Variants in DOCK1 observed in about 807,000 individuals in gnomAD.
DOCK1 encodes dedicator of cytokinesis 1.
Under a neutral mutation model 262.7 loss-of-function variants are expected in DOCK1, and 138 were observed. The observed-to-expected ratio is 0.53, with a 90% CI of 0.46 to 0.61. The LOEUF (loss-of-function observed/expected upper bound fraction) is 0.61. Among genes scored for constraint, DOCK1 ranks in the 20% least tolerant of loss-of-function variants. The pLI, the probability that DOCK1 is intolerant of heterozygous loss-of-function variation, is 0.00. For missense variants in DOCK1, 1,908 were observed against 2,370.7 expected (o/e 0.80, Z 4.05); for synonymous variants, 866 against 867.4 (o/e 1.00, Z 0.03).
intron 1 of DOCK1, among the ~76,000 whole-genome samples, chr10:126,923,327 A>G (rs1180230850): frequency 6.6e-6 from 1 of 152,160 alleles, no homozygotes; most frequent in East Asian, 1.9e-4. Context: ...AAAAGGATGT[A>G]AAAAACTTAG....
Position 126,995,397 on chromosome 10 carries a change from G to A in DOCK1, c.474-1351G>A, listed in dbSNP as rs572757422. On this transcript the variant is annotated intron_variant, in intron 6 of 51. Transcript: ENST00000623213. This position sits in a 1 kb window ranked among gnomAD's most constrained non-coding sequence, Gnocchi z 5.8. ...ACTCTGTCTGCAATCCCAGCACCTCGGGAGGCTGAGGCTGGCAGATCACTC... is the reference window on the plus strand; with the variant it reads ...ACTCTGTCTGCAATCCCAGCACCTCAGGAGGCTGAGGCTGGCAGATCACTC... 1.1e-4 allele frequency among the ~76,000 whole-genome samples: 17 copies of A among 152,344 alleles called. No individual in the cohort carries two copies. The highest frequency in any genetic ancestry group is 7.3e-5 in the Non-Finnish European group (5 of 68,040).
intron 29 of DOCK1, among the ~76,000 whole-genome samples, chr10:127,268,920 G>A (rs1002705869): frequency 6.6e-6 from 1 of 152,066 alleles, no homozygotes; most frequent in Non-Finnish European, 1.5e-5. Context: ...AGGGTGCTTG[G>A]GCTGCCAGCC....
intron 13 of DOCK1, among the ~76,000 whole-genome samples, chr10:127,020,363 C>T (rs188673788): frequency 2.6e-3 from 401 of 152,148 alleles, no homozygotes; most frequent in African/African-American, 9.4e-3. Context: ...CCAGTTCATG[C>T]CAATAGTGTT....
At chr10:127,028,447 T>G (rs1440761216) in intron 16 of DOCK1, among the ~76,000 whole-genome samples, 1 of 152,200 alleles carries the variant, frequency 6.6e-6, no homozygotes, top group Admixed American at 6.5e-5. Context: ...CCATGTGGTA[T>G]CAGTATTATT....
intron 43 of DOCK1, among the ~76,000 whole-genome samples, chr10:127,413,225 C>T (rs181186634): frequency 1.3e-5 from 2 of 152,294 alleles, no homozygotes; most frequent in South Asian, 2.1e-4. Context: ...CTGGAGGGTG[C>T]GCGGCCAGTT....
At chr10:127,018,650 G>A in intron 12 of DOCK1, 60 bp from the exon 13 acceptor site, 9 of 1,610,168 alleles carry the variant, frequency 5.6e-6, no homozygotes, top group Non-Finnish European at 5.1e-6. Context: ...TTGGTTTCGT[G>A]AAAACTTCTA....
chr10:127,151,194 A>G (rs1238697874), intron 27 of DOCK1, among the ~76,000 whole-genome samples: 1 of 152,136 alleles, frequency 6.6e-6, no homozygotes, highest in Admixed American at 6.5e-5. Context: ...TTATAACATG[A>G]TAGGGAGTTT....
Position 127,380,494 on chromosome 10 carries a change from C to CTTT in DOCK1, c.3716+372_3716+373insTTT, listed in dbSNP as rs1339986626. 2.6e-5 allele frequency among the ~76,000 whole-genome samples: 4 copies of CTTT among 152,128 alleles called. No individual in the cohort carries two copies. The South Asian group carries it at 6.2e-4, about 24-fold the overall frequency. ...GAAATCCAGTTATAACTTTACCAGA[C>CTTT]ATAGGGGAGTTATAATTTTTCAGTC... On this transcript the variant is annotated intron_variant, in intron 36 of 51. Transcript: ENST00000623213.
At chr10:127,406,272 T>C (rs2067508677) in intron 40 of DOCK1, among the ~76,000 whole-genome samples, 1 of 152,114 alleles carries the variant, frequency 6.6e-6, no homozygotes, top group South Asian at 2.1e-4. Flanking sequence ...GTGAGGGCAG[T>C]GCCGGGTGCG....
chr10:127,159,271 A>C (rs1158630813), intron 27 of DOCK1, among the ~76,000 whole-genome samples: 1 of 152,110 alleles, frequency 6.6e-6, no homozygotes, highest in Non-Finnish European at 1.5e-5. Context: ...AAGGAAAATA[A>C]ACTTGGCTTA....
intron 16 of DOCK1, chr10:127,026,656 C>G: frequency 1.8e-6 from 1 of 554,748 alleles, no homozygotes; most frequent in Non-Finnish European, 3.2e-6. Flanking sequence ...TGGTCCCCTT[C>G]TTTCTTTTGC....
At chr10:127,031,605 G>A (rs763282755) in intron 16 of DOCK1, 45 bp from the exon 17 acceptor site, 7 of 1,444,474 alleles carry the variant, frequency 4.8e-6, no homozygotes, top group Non-Finnish European at 6.7e-6. Flanking sequence ...ATTTTGTCAT[G>A]ATAATTGAAA....
intron 27 of DOCK1, among the ~76,000 whole-genome samples, chr10:127,194,307 G>C (rs2056948729): frequency 6.6e-6 from 1 of 152,212 alleles, no homozygotes; most frequent in African/African-American, 2.4e-5. Context: ...AATGTAAGTA[G>C]TAAACATGGA....
intron 1 of DOCK1, 85 bp downstream of exon 1, chr10:126,905,648 C>T (rs1298885422): frequency 4.9e-6 from 1 of 205,944 alleles, no homozygotes; most frequent in Non-Finnish European, 9.6e-6. Flanking sequence ...TTGCCGCCGC[C>T]CCGAGCGGCC....
chr10:127,206,167 A>G (rs1468616790), intron 27 of DOCK1, among the ~76,000 whole-genome samples: 1 of 106,186 alleles, frequency 9.4e-6, no homozygotes, highest in Admixed American at 1.4e-4. Flanking sequence ...TTTTTGTGAC[A>G]GAGTCTCACT....
chr10:127,205,855 C>A (rs1211553405), intron 27 of DOCK1, among the ~76,000 whole-genome samples: 1 of 152,174 alleles, frequency 6.6e-6, no homozygotes. Context: ...TACTTCTTGA[C>A]AAGCATGAAT....
chr10:127,234,493 C>A (rs1021431484), intron 27 of DOCK1, among the ~76,000 whole-genome samples: 11 of 152,094 alleles, frequency 7.2e-5, no homozygotes, highest in African/African-American at 2.7e-4. Context: ...ACAAAACATT[C>A]CTGAAATGGC....
intron 29 of DOCK1, among the ~76,000 whole-genome samples, chr10:127,273,084 C>T (rs1356177937): frequency 6.6e-6 from 1 of 152,196 alleles, no homozygotes; most frequent in Non-Finnish European, 1.5e-5. Context: ...CTCTTCTGTT[C>T]TGTGGTTATG....
intron 42 of DOCK1, 27 bp downstream of exon 42, chr10:127,409,418 C>T (rs745784997): frequency 5.6e-6 from 9 of 1,609,816 alleles, no homozygotes; most frequent in Admixed American, 3.3e-5. Context: ...TCTTACCCAA[C>T]GTGAGGGTTG....
Sources: allele counts gnomAD v4.1 joint callset (sites outside exome capture counted in the v4.1 genomes callset), GRCh38; gene constraint gnomAD v4.1.1; non-coding constraint Gnocchi (gnomAD v3.1); transcripts MANE v1.5; gene names NCBI Gene and HGNC (gene_info 2026-07-23, HGNC 2026-07-21).